ANKRD36: variants seen among roughly 807,000 people sequenced by gnomAD.
The protein encoded by ANKRD36 is ankyrin repeat domain-containing protein 36A.
A neutral mutation model predicts 278.1 loss-of-function variants in ANKRD36; 179 were observed. The observed-to-expected ratio is 0.64, with a 90% CI of 0.57 to 0.73. The LOEUF is 0.73. ANKRD36 is among the 30% of genes least tolerant of loss of function. The pLI, the probability that ANKRD36 is intolerant of heterozygous loss-of-function variation, is 0.00. For synonymous variants in ANKRD36, 320 were observed against 641.1 expected (o/e 0.50, Z 7.57); for missense variants, 1,159 against 1,956.7 (o/e 0.59, Z 7.69).
At chr2:97,201,895 AT>A (rs2061473471) in intron 46 of ANKRD36, among the ~76,000 whole-genome samples, 1 of 151,904 alleles carries the variant, frequency 6.6e-6, no homozygotes, top group Non-Finnish European at 1.5e-5. Context: ...TGCTACTCTG[AT>A]TTTAGATCAC....
rs766154316 is a variant in ANKRD36 at position 97,118,428 on chromosome 2, A to T, written c.397A>T (p.Thr133Ser). ...AAATATTACGGATTTCTTTGGAAGG[A>T]CTGCTCTGCACTACGCTGTGTATAA... ...NPNITDFFGR[T>S]ALHYAVYNED... The change falls in exon 3 of 76, where the codon ACT becomes TCT. Residue 133 changes from threonine to serine, a missense_variant. By Grantham distance (58) the Thr-to-Ser change is moderately conservative. Coordinates refer to ENST00000420699, the MANE Select transcript of ANKRD36 (RefSeq NM_001354587.1). 1 of 1,607,046 alleles carries T rather than the reference A, an allele frequency of 6.2e-7. No homozygotes were observed. Among genetic ancestry groups the T allele is most frequent in the East Asian group, 2.2e-5 (1 of 44,898 alleles).
chr2:97,228,598 C>G, intron 67 of ANKRD36, among the ~76,000 whole-genome samples: 1 of 151,896 alleles, frequency 6.6e-6, no homozygotes, highest in African/African-American at 2.4e-5. Context: ...CTCCTGGATT[C>G]ATTAATTTTT....
intron 22 of ANKRD36, among the ~76,000 whole-genome samples, chr2:97,171,581 T>A (rs1429540268): frequency 1.6e-5 from 2 of 125,348 alleles, no homozygotes; most frequent in Non-Finnish European, 3.4e-5. Context: ...GGGATAGCAT[T>A]GGGAGATATA....
intron 52 of ANKRD36, among the ~76,000 whole-genome samples, chr2:97,206,902 G>T (rs2063009534): frequency 6.6e-6 from 1 of 151,364 alleles, no homozygotes; most frequent in Admixed American, 6.6e-5. Context: ...CCACCTCTTG[G>T]ATACAATAGC....
chr2:97,128,119 A>G (rs1357147720), intron 6 of ANKRD36, among the ~76,000 whole-genome samples: 1 of 151,596 alleles, frequency 6.6e-6, no homozygotes, highest in African/African-American at 2.4e-5. Context: ...CACTGAATGG[A>G]GAAGTACAGC....
At chr2:97,147,689 A>G (rs1455865474) in intron 11 of ANKRD36, among the ~76,000 whole-genome samples, 4 of 151,934 alleles carry the variant, frequency 2.6e-5, no homozygotes, top group African/African-American at 7.2e-5. Flanking sequence ...ACACAGTGGA[A>G]GAGGATGAGA....
intron 6 of ANKRD36, among the ~76,000 whole-genome samples, chr2:97,132,955 T>G (rs1316183242): frequency 9.2e-5 from 14 of 151,900 alleles, no homozygotes; most frequent in Admixed American, 3.3e-4. Flanking sequence ...ACATAGGCAT[T>G]CTGTCTCACA....
intron 22 of ANKRD36, among the ~76,000 whole-genome samples, chr2:97,172,143 C>T (rs1024564250): frequency 6.6e-6 from 1 of 151,686 alleles, no homozygotes; most frequent in Non-Finnish European, 1.5e-5. Flanking sequence ...AAAAAAATCA[C>T]CCAAATGCAC....
At chr2:97,136,865 TTC>T (rs1465210316) in intron 6 of ANKRD36, among the ~76,000 whole-genome samples, 7 of 152,060 alleles carry the variant, frequency 4.6e-5, no homozygotes, top group African/African-American at 7.2e-5. Flanking sequence ...TGTGATAGGA[TTC>T]TGTTAGAATT....
chr2:97,231,137 G>C (rs547381476), intron 67 of ANKRD36, among the ~76,000 whole-genome samples: 5 of 152,102 alleles, frequency 3.3e-5, no homozygotes, highest in Admixed American at 6.5e-5. Flanking sequence ...CAGATCTCCA[G>C]CTGCATGCTG....
At chr2:97,215,903 A>T (rs1212781729) in intron 62 of ANKRD36, 3 of 467,974 alleles carry the variant, frequency 6.4e-6, no homozygotes, top group East Asian at 9.4e-5. Context: ...AAAACAGCAT[A>T]GAATGAGAAC....
intron 10 of ANKRD36, among the ~76,000 whole-genome samples, chr2:97,146,273 A>AT (rs397738008): frequency 0.79 from 115,865 of 146,936 alleles, 46,852 homozygotes; most frequent in Non-Finnish European, 0.89. Flanking sequence ...TGCCTACATG[A>AT]TTTTTTTTTT....
At chr2:97,152,083 C>T in intron 13 of ANKRD36, 144 bp downstream of exon 13, 1 of 668,464 alleles carries the variant, frequency 1.5e-6, no homozygotes, top group Non-Finnish European at 2.5e-6. Flanking sequence ...GTTTCCATCT[C>T]CTGGGTTCAA....
At position 97,211,711 on chromosome 2, in the gene ANKRD36, G is replaced by A; in HGVS notation, c.3439G>A (p.Glu1147Lys). ...AGATTCTGTTCCGAATATGGCCACG[G>A]AAAAAAAGGATGAACAAATATCTGG... ...KEDSVPNMATEKKDEQISGTV... is the reference protein window; with the variant it reads ...KEDSVPNMATKKKDEQISGTV... The change falls in exon 58 of 76, where the codon GAA (glutamate) becomes AAA (lysine). Residue 1147 changes from glutamate to lysine, a missense_variant. Coordinates refer to ENST00000420699, the MANE Select transcript of ANKRD36 (RefSeq NM_001354587.1). The A allele has an allele frequency of 3.1e-6, 5 of 1,588,120 alleles. No homozygotes were observed. The highest frequency in any genetic ancestry group is 4.3e-6 in the Non-Finnish European group (5 of 1,168,168).
rs1473333969 is a variant in ANKRD36 at position 97,194,882 on chromosome 2, C to G, written c.2516C>G (p.Thr839Ser). The change falls in exon 40 of 76, where the codon ACC becomes AGC. Residue 839 changes from threonine to serine, a missense_variant. Thr to Ser is a moderately conservative substitution (Grantham distance 58). Transcript: ENST00000420699. ...GAGAAGGATTCTTTTTCGAATATAA[C>G]CAGAGGAAAAAAGGATGGAGAAATA... ...SDEKDSFSNITRGKKDGEISR... is the reference protein window; with the variant it reads ...SDEKDSFSNISRGKKDGEISR... 1.9e-6 allele frequency: 3 copies of G among 1,570,238 alleles called. No homozygotes were observed. In the Admixed American group the frequency reaches 5.6e-5, roughly 30 times the overall value.
At chr2:97,200,618 C>G (rs372154564) in intron 46 of ANKRD36, 93 bp downstream of exon 46, 3 of 1,508,694 alleles carry the variant, frequency 2.0e-6, no homozygotes, top group Admixed American at 2.0e-5. Flanking sequence ...TGAAGCTGCA[C>G]GTTCTGATTC....
chr2:97,210,758 A>C (rs1277528797), intron 56 of ANKRD36, among the ~76,000 whole-genome samples: 1 of 151,870 alleles, frequency 6.6e-6, no homozygotes, highest in Non-Finnish European at 1.5e-5. Context: ...TTTTCAATGA[A>C]TATTGCAGTG....
intron 42 of ANKRD36, among the ~76,000 whole-genome samples, chr2:97,197,727 C>G (rs552960781): frequency 9.1e-4 from 138 of 152,004 alleles, no homozygotes; most frequent in African/African-American, 3.1e-3. Flanking sequence ...ATGCTTGTAG[C>G]TGTTTTACTT....
rs532992686 is a variant in ANKRD36, at chr2:97,231,621, C to T, written c.3952-2109C>T. On this transcript the variant is annotated intron_variant, in intron 67 of 75. Coordinates refer to ENST00000420699, the MANE Select transcript of ANKRD36 (RefSeq NM_001354587.1). ...CAATGCCTCACCCTCCTTTGGGTCA[C>T]ACACGGTGCACTGCACCCACTGTCC... 1.7e-4 allele frequency among the ~76,000 whole-genome samples: 26 copies of T among 152,254 alleles called. No homozygotes were observed. In the South Asian group the frequency reaches 5.4e-3, roughly 32 times the overall value.
Sources: allele counts gnomAD v4.1 joint callset (sites outside exome capture counted in the v4.1 genomes callset), GRCh38; gene constraint gnomAD v4.1.1; transcripts MANE v1.5; gene names NCBI Gene and HGNC (gene_info 2026-07-23, HGNC 2026-07-21).